Variants in GHR observed in about 807,000 individuals in gnomAD.
GHR encodes GH receptor.
Under a neutral mutation model 67.1 loss-of-function variants are expected in GHR, and 35 were observed. The observed-to-expected ratio is 0.52, with a 90% CI of 0.40 to 0.69. The LOEUF (loss-of-function observed/expected upper bound fraction) is 0.69, where lower values mean the gene tolerates loss of function less well. GHR is among the 30% of genes least tolerant of loss of function. GHR has a pLI of 0.00. For missense variants in GHR, 792 were observed against 764.6 expected, an observed-to-expected ratio of 1.04 and a Z score of -0.42; for synonymous variants, 272 against 269.1, an observed-to-expected ratio of 1.01 and a Z score of -0.10.
At chr5:42,475,232 A>C (rs1052064942) in intron 1 of GHR, among the ~76,000 whole-genome samples, 2 of 152,090 alleles carry the variant, frequency 1.3e-5, no homozygotes, top group African/African-American at 4.8e-5. Flanking sequence ...TCTGTGGGTT[A>C]AAGGGAACTG....
rs188527643 is a variant in GHR, at chr5:42,466,149, A to G, written c.-12+42194A>G. The G allele has an allele frequency of 9.9e-4, 296 of 299,438 alleles. 1 individual carries two copies. The highest frequency in any genetic ancestry group is 6.2e-3 in the African/African-American group (277 of 44,940). 18.5% of individuals were successfully genotyped at this position (299,438 alleles called of 1,614,324 possible). ...GAGTTGTGTGGAGGAGGAGTTGTCA[A>G]TCTTAACAAATGACTATAGCTGGCG... On this transcript the variant is annotated intron_variant, in intron 1 of 9. Transcript: ENST00000230882.
At chr5:42,619,987 A>G (rs1237884361) in intron 2 of GHR, among the ~76,000 whole-genome samples, 1 of 152,182 alleles carries the variant, frequency 6.6e-6, no homozygotes, top group Non-Finnish European at 1.5e-5. Context: ...GTCAGTATCC[A>G]AAGACAAACA....
chr5:42,467,021 T>G lies in GHR; in HGVS notation c.-12+43066T>G. The G allele has an allele frequency of 4.5e-6, 7 of 1,571,626 alleles. No homozygotes were observed. The South Asian group carries it at 6.8e-5, about 15-fold the overall frequency. On this transcript the variant is annotated intron_variant, in intron 1 of 9. Coordinates refer to ENST00000230882, the MANE Select transcript of GHR (RefSeq NM_000163.5). ...TGCACCGTGAGGCTCAACCTCTGTC[T>G]GAAGGCCTTCCCACACTCATTACAC... is the stretch of plus-strand genomic sequence containing the variant.
chr5:42,649,969 A>T (rs1346154206), intron 3 of GHR, among the ~76,000 whole-genome samples: 1 of 152,188 alleles, frequency 6.6e-6, no homozygotes, highest in Non-Finnish European at 1.5e-5. Flanking sequence ...TTCCTTTAAG[A>T]AATATAGACT....
chr5:42,718,469 A>G lies in GHR; in HGVS notation c.962A>G (p.Glu321Gly). 1 of 1,609,332 alleles carries G rather than the reference A, an allele frequency of 6.2e-7. No homozygotes were observed. Among genetic ancestry groups the G allele is most frequent in the Non-Finnish European group, 8.5e-7 (1 of 1,175,776 alleles). Reference protein sequence around the residue: ...PDLLKEGKLEEVNTILAIHDS... With the variant: ...PDLLKEGKLEGVNTILAIHDS... ...ATTTTCTAGGAAGGAAAATTAGAGGAGGTGAACACAATCTTAGCCATTCAT... is the reference window on the plus strand; with the variant it reads ...ATTTTCTAGGAAGGAAAATTAGAGGGGGTGAACACAATCTTAGCCATTCAT... Residue 321 changes from glutamate (E) to glycine (G), a missense_variant, in exon 10 of 10, where the codon GAG becomes GGG. By Grantham distance (98) the Glu-to-Gly change is moderately conservative. Coordinates refer to ENST00000230882, the MANE Select transcript of GHR (RefSeq NM_000163.5).
chr5:42,516,877 C>G (rs1241564526), intron 1 of GHR, among the ~76,000 whole-genome samples: 1 of 152,160 alleles, frequency 6.6e-6, no homozygotes, highest in Admixed American at 6.5e-5. Context: ...TTATGGACAG[C>G]TGGTTGGGGT....
intron 3 of GHR, among the ~76,000 whole-genome samples, chr5:42,664,492 A>G (rs1281459240): frequency 5.3e-5 from 8 of 152,098 alleles, no homozygotes; most frequent in East Asian, 3.9e-4. Context: ...AAGCAATGGG[A>G]AAAGGATTCC....
At chr5:42,487,690 C>T (rs74408601) in intron 1 of GHR, among the ~76,000 whole-genome samples, 2,894 of 152,136 alleles carry the variant, frequency 0.019, 160 homozygotes, top group East Asian at 0.13. Context: ...ATATTTTAAC[C>T]AGGAGGGAAA....
chr5:42,691,844 G>T (rs1204065264), intron 4 of GHR, among the ~76,000 whole-genome samples: 1 of 152,264 alleles, frequency 6.6e-6, no homozygotes, highest in African/African-American at 2.4e-5. Flanking sequence ...GATGACGATA[G>T]TGCCAAATTC....
intron 8 of GHR, among the ~76,000 whole-genome samples, chr5:42,717,215 G>A (rs1368161589): frequency 1.3e-5 from 2 of 151,998 alleles, no homozygotes; most frequent in Admixed American, 6.6e-5. Flanking sequence ...CAAGAATATC[G>A]CTTGGCCCAG....
chr5:42,666,584 A>G (rs1755991422), intron 3 of GHR, among the ~76,000 whole-genome samples: 1 of 152,186 alleles, frequency 6.6e-6, no homozygotes, highest in African/African-American at 2.4e-5. Context: ...AATAAAATTT[A>G]AAATTCAATT....
At chr5:42,659,990 G>A (rs554067011) in intron 3 of GHR, among the ~76,000 whole-genome samples, 214 of 151,792 alleles carry the variant, frequency 1.4e-3, no homozygotes, top group African/African-American at 4.9e-3. Flanking sequence ...CTACGCCCAC[G>A]GAGTCTCGCT....
chr5:42,615,564 T>C (rs1011262508), intron 2 of GHR, among the ~76,000 whole-genome samples: 3 of 152,038 alleles, frequency 2.0e-5, no homozygotes, highest in African/African-American at 7.2e-5. Flanking sequence ...TTTTTCATCA[T>C]CAAGAAATAG....
At chr5:42,496,100 T>C (rs971137798) in intron 1 of GHR, among the ~76,000 whole-genome samples, 1 of 152,178 alleles carries the variant, frequency 6.6e-6, no homozygotes, top group African/African-American at 2.4e-5. Context: ...GGTGCCAGAC[T>C]GCTCCTGTGA....
chr5:42,615,798 T>C (rs944825240), intron 2 of GHR, among the ~76,000 whole-genome samples: 1 of 151,608 alleles, frequency 6.6e-6, no homozygotes, highest in Admixed American at 6.6e-5. Flanking sequence ...TATGTGACTA[T>C]AAATTGTAAT....
Position 42,462,168 on chromosome 5 carries a change from C to T in GHR, c.-12+38213C>T, listed in dbSNP as rs568456709. 3.0e-3 allele frequency among the ~76,000 whole-genome samples: 461 copies of T among 152,258 alleles called. 3 individuals carry two copies. Among genetic ancestry groups the T allele is most frequent in the Non-Finnish European group, 4.7e-3 (317 of 68,014 alleles). ...ACCCACATATAGACACCGAATTTAACGATGAAAGTGGAAGTTACTCTGTTG... is the reference window on the plus strand; with the variant it reads ...ACCCACATATAGACACCGAATTTAATGATGAAAGTGGAAGTTACTCTGTTG... On this transcript the variant is annotated intron_variant, in intron 1 of 9. Coordinates refer to ENST00000230882, the MANE Select transcript of GHR (RefSeq NM_000163.5).
At chr5:42,678,469 C>T (rs1424473877) in intron 3 of GHR, among the ~76,000 whole-genome samples, 1 of 152,104 alleles carries the variant, frequency 6.6e-6, no homozygotes, top group Non-Finnish European at 1.5e-5. Context: ...CACATAGGTA[C>T]ACCGTAATTC....
intron 1 of GHR, among the ~76,000 whole-genome samples, chr5:42,542,603 C>T (rs554621597): frequency 6.6e-6 from 1 of 152,090 alleles, no homozygotes; most frequent in East Asian, 1.9e-4. Flanking sequence ...AAAAATAGCT[C>T]CTTTAGGTAT....
intron 8 of GHR, chr5:42,715,235 C>A: frequency 3.9e-6 from 1 of 257,394 alleles, no homozygotes; most frequent in Non-Finnish European, 7.9e-6. Flanking sequence ...ATTAAAAACG[C>A]TTATCATTGT....
Sources: allele counts gnomAD v4.1 joint callset (sites outside exome capture counted in the v4.1 genomes callset), GRCh38; gene constraint gnomAD v4.1.1; transcripts MANE v1.5; gene names NCBI Gene and HGNC (gene_info 2026-07-23, HGNC 2026-07-21).